The following FGF1 variants were observed in gnomAD, a reference collection of about 807,000 sequenced individuals.
FGF1 encodes fibroblast growth factor 1.
Under a neutral mutation model 13.4 loss-of-function variants are expected in FGF1, and 9 were observed. The ratio of observed to expected loss-of-function variants is 0.67; its 90% CI spans 0.40 to 1.17. The LOEUF (loss-of-function observed/expected upper bound fraction) is 1.17. Among genes scored for constraint, FGF1 ranks in the 50% most tolerant of loss-of-function variants. The pLI, the probability that FGF1 is intolerant of heterozygous loss-of-function variation, is 0.01. For missense variants in FGF1, 156 were observed against 192.7 expected, an observed-to-expected ratio of 0.81 and a Z score of 1.13; for synonymous variants, 93 against 79.0, an observed-to-expected ratio of 1.18 and a Z score of -0.94.
In FGF1 at chr5:142,600,784, T is replaced by TC. The variant is rs1287196798; in HGVS notation, c.190dup (p.Glu64GlyfsTer33). ...CTTTATATACACCTCCCCCACGCTT[T>TC]CCGCACTGAGCTGCAGCTGAACTGG... On this transcript the variant is annotated frameshift_variant, in exon 3 of 4. Transcript: ENST00000337706. LOFTEE classifies it high-confidence loss of function. The TC allele has an allele frequency of 6.2e-7, 1 of 1,613,220 alleles. No individual in the cohort carries two copies.
At chr5:142,617,528 C>T (rs1353604064) in intron 1 of FGF1, among the ~76,000 whole-genome samples, 2 of 152,084 alleles carry the variant, frequency 1.3e-5, no homozygotes, top group Non-Finnish European at 2.9e-5. Flanking sequence ...TACCTGCAGT[C>T]ATACAAGGCC....
chr5:142,691,556 A>G (rs1420382027), intron 2 of FGF1, among the ~76,000 whole-genome samples: 4 of 152,152 alleles, frequency 2.6e-5, no homozygotes, highest in African/African-American at 7.2e-5. Context: ...GGAGAGCAGG[A>G]CTTTGTCTTC....
At chr5:142,606,826 A>T (rs532183837) in intron 2 of FGF1, among the ~76,000 whole-genome samples, 11 of 152,274 alleles carry the variant, frequency 7.2e-5, no homozygotes, top group African/African-American at 2.4e-4. Context: ...CTGAGGTAAG[A>T]ACAGCCAGCT....
chr5:142,688,799 T>G (rs545076994), upstream of FGF1, among the ~76,000 whole-genome samples: 1 of 152,356 alleles, frequency 6.6e-6, no homozygotes, highest in East Asian at 1.9e-4. Flanking sequence ...AGGTGAGATT[T>G]TTCCTTTCGC....
chr5:142,605,438 A>T (rs1051421421), intron 2 of FGF1, among the ~76,000 whole-genome samples: 4 of 152,096 alleles, frequency 2.6e-5, no homozygotes, highest in Non-Finnish European at 5.9e-5. Flanking sequence ...GAAGATTTTT[A>T]AAAAGCTTTT....
At chr5:142,666,842 T>G (rs1597391400) in intron 1 of FGF1, among the ~76,000 whole-genome samples, 1 of 150,298 alleles carries the variant, frequency 6.7e-6, no homozygotes. Context: ...GAGGCTGAGG[T>G]GGGAAGATCT....
intron 1 of FGF1, among the ~76,000 whole-genome samples, chr5:142,668,483 C>T (rs957297997): frequency 3.3e-5 from 5 of 152,206 alleles, no homozygotes; most frequent in Admixed American, 3.3e-4. Context: ...CTCCCTGCCC[C>T]GGCCCCAGTA....
intron 1 of FGF1, among the ~76,000 whole-genome samples, chr5:142,645,589 G>A (rs1258098615): frequency 6.6e-6 from 1 of 152,138 alleles, no homozygotes; most frequent in Non-Finnish European, 1.5e-5. Context: ...CTACTACAGA[G>A]GCATTGGGAT....
Position 142,592,410 on chromosome 5 carries a change from A to G in FGF1, c.*2880T>C, listed in dbSNP as rs1754430807. On this transcript the variant is annotated 3_prime_UTR_variant, in exon 4 of 4. Coordinates refer to ENST00000337706, the MANE Select transcript of FGF1 (RefSeq NM_000800.5). ...ATGCTCCAATCAGTTTTTTGTTCAT[A>G]CACACTGTTGGCCATTGTGAATCTT... The G allele has an allele frequency of 2.5e-6, 1 of 398,552 alleles. No homozygotes were observed. Among genetic ancestry groups the G allele is most frequent in the Admixed American group, 4.4e-5 (1 of 22,720 alleles). The allele number at this position is 398,552 out of a possible 1,614,324, so 24.7% of individuals were successfully genotyped here. A position where few individuals can be genotyped will look rare whatever the true frequency, so the allele number is the denominator to read the frequency against.
chr5:142,697,576 A>G (rs1753328183), intron 2 of FGF1: 1 of 152,298 alleles, frequency 6.6e-6, no homozygotes, highest in Non-Finnish European at 1.5e-5. Flanking sequence ...AGCCAAGCAG[A>G]AAGTCTGTAG....
chr5:142,654,360 T>G (rs1248158127), intron 1 of FGF1, among the ~76,000 whole-genome samples: 1 of 152,238 alleles, frequency 6.6e-6, no homozygotes, highest in Non-Finnish European at 1.5e-5. Context: ...TTGTACCACC[T>G]TCTTGGAACT....
At chr5:142,629,895 A>ATTTTTT (rs35168859) in intron 1 of FGF1, among the ~76,000 whole-genome samples, 1 of 127,870 alleles carries the variant, frequency 7.8e-6, no homozygotes, top group South Asian at 2.3e-4. Context: ...ATATATATAT[A>ATTTTTT]TTTTTTTTTT....
At chr5:142,660,063 T>C (rs1768927197) in intron 1 of FGF1, among the ~76,000 whole-genome samples, 1 of 152,236 alleles carries the variant, frequency 6.6e-6, no homozygotes, top group Admixed American at 6.5e-5. Flanking sequence ...CCATGGGCAG[T>C]GTCACACGTT....
At chr5:142,656,539 G>T (rs1186626720) in intron 1 of FGF1, among the ~76,000 whole-genome samples, 2 of 152,176 alleles carry the variant, frequency 1.3e-5, no homozygotes, top group Non-Finnish European at 2.9e-5. Context: ...CCAGCATTAA[G>T]AATTTGTCCT....
At chr5:142,619,213 C>T (rs921651814) in intron 1 of FGF1, among the ~76,000 whole-genome samples, 5 of 152,120 alleles carry the variant, frequency 3.3e-5, no homozygotes, top group Non-Finnish European at 2.9e-5. Context: ...GGATTACAGG[C>T]GTGAGCCACC....
intron 2 of FGF1, among the ~76,000 whole-genome samples, chr5:142,609,861 G>T (rs1758668054): frequency 6.6e-6 from 1 of 152,178 alleles, no homozygotes; most frequent in Non-Finnish European, 1.5e-5. Flanking sequence ...GGAAACTGAG[G>T]CACATTGAGA....
rs1756322446 is a variant in FGF1, at chr5:142,600,684, T to C, written c.273+18A>G. Reference sequence around the variant, plus strand: ...CAAACCTTGGCCACGTCTGGAAGCATGTCAGCTTCATACTTACTGAGCCGT... The same window carrying C: ...CAAACCTTGGCCACGTCTGGAAGCACGTCAGCTTCATACTTACTGAGCCGT... On this transcript the variant is annotated intron_variant, in intron 3 of 3. Coordinates refer to ENST00000337706, the MANE Select transcript of FGF1 (RefSeq NM_000800.5). The C allele has an allele frequency of 1.3e-6, 2 of 1,560,286 alleles. No individual in the cohort carries two copies. The highest frequency in any genetic ancestry group is 1.8e-6 in the Non-Finnish European group (2 of 1,130,826).
chr5:142,607,604 G>A (rs1047314678), intron 2 of FGF1, among the ~76,000 whole-genome samples: 1 of 152,184 alleles, frequency 6.6e-6, no homozygotes, highest in Non-Finnish European at 1.5e-5. Context: ...AAAAATGTAC[G>A]GGAAGAGGGC....
intron 2 of FGF1, chr5:142,697,557 A>G (rs532760695): frequency 1.3e-5 from 2 of 152,520 alleles, no homozygotes; most frequent in South Asian, 4.1e-4. Flanking sequence ...CACGCTGAGC[A>G]CAACATGAAG....
Sources: gnomAD v4.1 joint callset for allele counts (sites outside exome capture counted in the v4.1 genomes callset) on GRCh38, gnomAD v4.1.1 for gene constraint, MANE v1.5 for transcripts, NCBI Gene and HGNC (gene_info 2026-07-23, HGNC 2026-07-21) for gene names.